Variants in ARHGAP6 observed in about 807,000 individuals in gnomAD.
ARHGAP6 encodes Rho GTPase activating protein 6.
A neutral mutation model predicts 55.7 loss-of-function variants in ARHGAP6; 16 were observed. The observed-to-expected ratio is 0.29, with a 90% CI of 0.19 to 0.44. The LOEUF is 0.44. Among genes scored for constraint, ARHGAP6 ranks in the 20% least tolerant of loss-of-function variants. ARHGAP6 has a pLI of 1.00. For synonymous variants in ARHGAP6, 382 were observed against 360.9 expected (o/e 1.06, Z -0.66); for missense variants, 698 against 808.9 (o/e 0.86, Z 1.66).
chrX:11,477,694 C>A (rs1003548954), intron 1 of ARHGAP6, among the ~76,000 whole-genome samples: 2 of 111,766 alleles, frequency 1.8e-5, no homozygotes, highest in Non-Finnish European at 1.9e-5. Context: ...TACTGAAATA[C>A]ACAAGGACAT....
At chrX:11,518,188 T>C (rs1294701057) in intron 1 of ARHGAP6, among the ~76,000 whole-genome samples, 1 of 110,651 alleles carries the variant, frequency 9.0e-6, no homozygotes, top group Non-Finnish European at 1.9e-5. Context: ...TCACCCAGGC[T>C]GGAGTGCAGT....
chrX:11,642,379 G>A (rs1474353108), intron 1 of ARHGAP6, among the ~76,000 whole-genome samples: 2 of 111,740 alleles, frequency 1.8e-5, no homozygotes, highest in African/African-American at 3.2e-5. Flanking sequence ...TTTGCCAAAC[G>A]TGCCTAAGCA....
Position 11,179,356 on chromosome X carries a change from T to G in ARHGAP6, c.1426A>C (p.Met476Leu). The G allele has an allele frequency of 8.3e-7, 1 of 1,210,615 alleles. No individual in the cohort carries two copies. The highest frequency in any genetic ancestry group is 1.1e-6 in the Non-Finnish European group (1 of 895,068). Residue 476 changes from methionine to leucine, a missense_variant, in exon 7 of 13, where the codon ATG becomes CTG. Physicochemically the swap from Met to Leu is conservative, Grantham distance 15. Coordinates refer to ENST00000337414, the MANE Select transcript of ARHGAP6 (RefSeq NM_013427.3). ...TCCCTGGTGAGAAGGGGGTCTGGCA[T>G]GTCCCTCAGGAACTCTTTCAGCAAG... ...AALLKEFLRDMPDPLLTRELY... is the reference protein window; with the variant it reads ...AALLKEFLRDLPDPLLTRELY...
At chrX:11,631,540 T>C (rs745548040) in intron 1 of ARHGAP6, among the ~76,000 whole-genome samples, 19 of 107,533 alleles carry the variant, frequency 1.8e-4, no homozygotes, top group Non-Finnish European at 3.3e-4. Context: ...AAAAAAAAAG[T>C]AAAATGGACT....
At chrX:11,512,168 C>T (rs1259745461) in intron 1 of ARHGAP6, among the ~76,000 whole-genome samples, 1 of 111,695 alleles carries the variant, frequency 9.0e-6, no homozygotes, top group African/African-American at 3.3e-5. Context: ...ACATTTGGGG[C>T]AAGTTGTGAC....
chrX:11,526,619 G>T (rs1200365540), intron 1 of ARHGAP6, among the ~76,000 whole-genome samples: 1 of 111,536 alleles, frequency 9.0e-6, no homozygotes, highest in Non-Finnish European at 1.9e-5. Context: ...CTAATTTATA[G>T]ATTCCCAACT....
At chrX:11,161,191 T>A (rs1189101870) in intron 9 of ARHGAP6, among the ~76,000 whole-genome samples, 2 of 112,414 alleles carry the variant, frequency 1.8e-5, no homozygotes, top group African/African-American at 6.5e-5. Flanking sequence ...ATTCTTCTAA[T>A]CTTTGGCTAT....
intron 1 of ARHGAP6, among the ~76,000 whole-genome samples, chrX:11,460,999 T>C (rs1404635817): frequency 1.8e-5 from 2 of 112,222 alleles, no homozygotes; most frequent in Non-Finnish European, 3.8e-5. Flanking sequence ...TCGGGGGCTC[T>C]ACTTCTTGTA....
intron 2 of ARHGAP6, among the ~76,000 whole-genome samples, chrX:11,212,941 G>A (rs773289475): frequency 8.8e-5 from 10 of 113,076 alleles, no homozygotes; most frequent in African/African-American, 3.2e-4. Flanking sequence ...TGATTGGTCG[G>A]CTCAGTGTGC....
rs765867683 is a variant in ARHGAP6, at chrX:11,607,952, C to G, written c.588+56289G>C. On this transcript the variant is annotated intron_variant, in intron 1 of 12. Coordinates refer to ENST00000337414, the MANE Select transcript of ARHGAP6 (RefSeq NM_013427.3). ...TTTCTTTGGGTATATTCTTCAAAAA[C>G]GCTGATTTAAGAATTAAGTCTGCAA... is the stretch of plus-strand genomic sequence containing the variant. Among the ~76,000 whole-genome samples, 8 of 112,150 alleles carry G rather than the reference C, an allele frequency of 7.1e-5. No individual in the cohort carries two copies. The East Asian group carries it at 2.0e-3, about 27-fold the overall frequency.
At chrX:11,399,354 C>CAAAAAAAAAAA (rs56197001) in intron 1 of ARHGAP6, among the ~76,000 whole-genome samples, 19 of 35,303 alleles carry the variant, frequency 5.4e-4, no homozygotes, top group Non-Finnish European at 7.0e-4. Context: ...AATAAGCAAT[C>CAAAAAAAAAAA]AAAAAAAAAA....
intron 1 of ARHGAP6, among the ~76,000 whole-genome samples, chrX:11,507,709 C>T (rs1383597101): frequency 2.7e-5 from 3 of 111,056 alleles, no homozygotes; most frequent in Non-Finnish European, 3.8e-5. Flanking sequence ...GGCAATTGTG[C>T]CCCCAGGCAG....
intron 1 of ARHGAP6, chrX:11,299,087 A>G: frequency 1.1e-6 from 1 of 931,637 alleles, no homozygotes; most frequent in South Asian, 2.1e-5. Context: ...TAGTAGTTAC[A>G]GGTCTATGAT....
chrX:11,336,935 A>G (rs1469780726), intron 1 of ARHGAP6, among the ~76,000 whole-genome samples: 1 of 111,209 alleles, frequency 9.0e-6, no homozygotes, highest in East Asian at 2.8e-4. Flanking sequence ...GTTAGTAAGT[A>G]ATATATCCCA....
intron 1 of ARHGAP6, among the ~76,000 whole-genome samples, chrX:11,426,203 G>T (rs188160446): frequency 9.0e-6 from 1 of 111,400 alleles, no homozygotes; most frequent in African/African-American, 3.3e-5. Flanking sequence ...CATTTTTCCA[G>T]TGGAGGAAAG....
intron 1 of ARHGAP6, among the ~76,000 whole-genome samples, chrX:11,564,799 GA>G (rs2051425325): frequency 9.0e-6 from 1 of 111,621 alleles, no homozygotes. Flanking sequence ...ATGACAAGTA[GA>G]ATATGCCACT....
rs768174897 is a variant in ARHGAP6 at position 11,417,059 on chromosome X, CATATATATATATATATATATATATATAT to C, written c.589-162380_589-162353del. 3.4e-3 allele frequency among the ~76,000 whole-genome samples: 115 copies of C among 33,359 alleles called. 1 individual carries two copies. Among genetic ancestry groups the C allele is most frequent in the Non-Finnish European group, 4.7e-3 (94 of 20,025 alleles). The allele number at this position is 33,359 out of a possible 115,157, so 29.0% of individuals were successfully genotyped here. On this transcript the variant is annotated intron_variant, in intron 1 of 12. Coordinates refer to ENST00000337414, the MANE Select transcript of ARHGAP6 (RefSeq NM_013427.3). ...AGGATGTTCTTTATATGGGTGTGTA[CATATATATATATATATATATATATATAT>C]ATATATATATATATATATACACATA...
At position 11,169,563 on chromosome X, in the gene ARHGAP6, C is replaced by T. The variant is rs2046060596; in HGVS notation, c.1751G>A (p.Ser584Asn). The T allele has an allele frequency of 7.5e-6, 9 of 1,204,781 alleles. No individual in the cohort carries two copies. Among genetic ancestry groups the T allele is most frequent in the Non-Finnish European group, 1.0e-5 (9 of 893,147 alleles). Residue 584 changes from serine to asparagine, a missense_variant, in exon 9 of 13, where the codon AGC (serine) becomes AAC (asparagine). Ser to Asn is a conservative substitution (Grantham distance 46). Coordinates refer to ENST00000337414, the MANE Select transcript of ARHGAP6 (RefSeq NM_013427.3). ...SVQSSARAEE[S>N]TAIIAVVQKM... ...TTGCACAACAGCGATGATGGCCGTG[C>T]TCTCCTCAGCCCGGGCTGAACTCTG...
intron 1 of ARHGAP6, among the ~76,000 whole-genome samples, chrX:11,658,959 T>C (rs1343513029): frequency 9.1e-6 from 1 of 110,219 alleles, no homozygotes; most frequent in Non-Finnish European, 1.9e-5. Flanking sequence ...CAATCAAAAA[T>C]GCTGCCAGGC....
Sources: gnomAD v4.1 joint callset for allele counts (sites outside exome capture counted in the v4.1 genomes callset) on GRCh38, gnomAD v4.1.1 for gene constraint, MANE v1.5 for transcripts, NCBI Gene and HGNC (gene_info 2026-07-23, HGNC 2026-07-21) for gene names.